RANBP17: variants seen among roughly 807,000 people sequenced by gnomAD.
RANBP17 encodes RAN binding protein 17.
A neutral mutation model predicts 141.2 loss-of-function variants in RANBP17; 158 were observed. That is an observed-to-expected ratio of 1.12 (90% confidence interval 0.98 to 1.28). RANBP17 has a LOEUF of 1.28. RANBP17 is among the 50% of genes most tolerant of loss of function. RANBP17 has a pLI of 0.00. For synonymous variants in RANBP17, 430 were observed against 450.0 expected (o/e 0.96, Z 0.56); for missense variants, 1,438 against 1,290.7 (o/e 1.11, Z -1.75).
At chr5:170,873,364 A>T (rs1187068250) in intron 1 of RANBP17, among the ~76,000 whole-genome samples, 1 of 152,202 alleles carries the variant, frequency 6.6e-6, no homozygotes, top group African/African-American at 2.4e-5. Context: ...GGCCTCATAA[A>T]ATGAGTTAGG....
chr5:171,250,715 T>C (rs1321855863), intron 24 of RANBP17, among the ~76,000 whole-genome samples: 1 of 152,038 alleles, frequency 6.6e-6, no homozygotes, highest in Non-Finnish European at 1.5e-5. Context: ...AAAACCGACT[T>C]TATATCAAGA....
intron 14 of RANBP17, among the ~76,000 whole-genome samples, chr5:171,127,122 G>A (rs181776274): frequency 9.2e-5 from 14 of 152,140 alleles, no homozygotes; most frequent in Admixed American, 5.9e-4. Context: ...GAAGATAATA[G>A]ACCATAATCA....
chr5:171,122,054 G>T (rs1756076624), intron 14 of RANBP17, among the ~76,000 whole-genome samples: 1 of 152,250 alleles, frequency 6.6e-6, no homozygotes, highest in South Asian at 2.1e-4. Flanking sequence ...GGCATTGGGG[G>T]CTGGTGGGGT....
chr5:171,057,220 G>A (rs940005919), intron 14 of RANBP17, among the ~76,000 whole-genome samples: 1 of 152,078 alleles, frequency 6.6e-6, no homozygotes, highest in Non-Finnish European at 1.5e-5. Context: ...TAGCCAATAT[G>A]TTCACACACA....
At chr5:170,921,217 G>A (rs1772434812) in intron 11 of RANBP17, among the ~76,000 whole-genome samples, 1 of 152,132 alleles carries the variant, frequency 6.6e-6, no homozygotes, top group South Asian at 2.1e-4. Context: ...GGTTTTTATG[G>A]TGTTAGGTCT....
chr5:171,027,178 A>G (rs1781287597), intron 14 of RANBP17, among the ~76,000 whole-genome samples: 1 of 152,202 alleles, frequency 6.6e-6, no homozygotes, highest in African/African-American at 2.4e-5. Flanking sequence ...GGATTGTTTA[A>G]CAGATTGTTT....
intron 25 of RANBP17, among the ~76,000 whole-genome samples, chr5:171,279,350 TC>T: frequency 1.3e-5 from 2 of 152,336 alleles, no homozygotes; most frequent in South Asian, 4.1e-4. Flanking sequence ...TGTATTTGCC[TC>T]ACAGTCTTGG....
chr5:171,234,267 CT>C (rs1392265066), intron 22 of RANBP17, among the ~76,000 whole-genome samples: 1 of 152,016 alleles, frequency 6.6e-6, no homozygotes, highest in Non-Finnish European at 1.5e-5. Flanking sequence ...GTGTATCTAG[CT>C]TGTCTGAAGG....
At chr5:171,062,303 G>T (rs1305053476) in intron 14 of RANBP17, among the ~76,000 whole-genome samples, 1 of 152,200 alleles carries the variant, frequency 6.6e-6, no homozygotes, top group Non-Finnish European at 1.5e-5. Context: ...GGTACCGGTT[G>T]TTCCTTTCCA....
intron 14 of RANBP17, among the ~76,000 whole-genome samples, chr5:171,003,583 C>G (rs973242331): frequency 6.6e-6 from 1 of 152,058 alleles, no homozygotes; most frequent in Non-Finnish European, 1.5e-5. Context: ...TACCCCATAT[C>G]CCTTGGAGAA....
At chr5:171,252,558 A>G in intron 24 of RANBP17, 1 of 1,381,406 alleles carries the variant, frequency 7.2e-7, no homozygotes. Flanking sequence ...GGAAAGTTTA[A>G]AAACTGCCCA....
intron 14 of RANBP17, among the ~76,000 whole-genome samples, chr5:170,992,892 T>G (rs1362989473): frequency 6.6e-6 from 1 of 152,112 alleles, no homozygotes; most frequent in Admixed American, 6.6e-5. Context: ...CGAGCCCTGC[T>G]CCACATCTTC....
At chr5:171,122,950 G>T (rs527601440) in intron 14 of RANBP17, among the ~76,000 whole-genome samples, 1 of 152,274 alleles carries the variant, frequency 6.6e-6, no homozygotes, top group African/African-American at 2.4e-5. Context: ...GGACCCAGTG[G>T]TGCAGCCAGG....
chr5:171,191,579 C>G (rs949658606), intron 18 of RANBP17, among the ~76,000 whole-genome samples: 1 of 151,658 alleles, frequency 6.6e-6, no homozygotes, highest in Non-Finnish European at 1.5e-5. Flanking sequence ...CCCAGCTACT[C>G]GGGAGGCTGA....
In RANBP17 at chr5:171,277,795, G is replaced by T. The variant is rs370747175; in HGVS notation, c.2943+11948G>T. 1.3e-3 allele frequency among the ~76,000 whole-genome samples: 197 copies of T among 149,720 alleles called. 9 individuals are homozygous for T. The South Asian group carries it at 0.04, about 31-fold the overall frequency. On this transcript the variant is annotated intron_variant, in intron 25 of 27. Transcript: ENST00000523189. Reference sequence around the variant, plus strand: ...ACAGCTAATAAGTAGCAGAACCTGTGCTCTTAACCACTGTACAGTACTATT... The same window carrying T: ...ACAGCTAATAAGTAGCAGAACCTGTTCTCTTAACCACTGTACAGTACTATT...
chr5:171,004,982 C>T (rs938627426), intron 14 of RANBP17, among the ~76,000 whole-genome samples: 22 of 152,114 alleles, frequency 1.4e-4, no homozygotes, highest in African/African-American at 4.8e-4. Context: ...CTCAGAAATA[C>T]GTTGCTGTCT....
intron 14 of RANBP17, among the ~76,000 whole-genome samples, chr5:171,064,287 TC>T (rs1784142198): frequency 6.6e-6 from 1 of 152,238 alleles, no homozygotes; most frequent in Non-Finnish European, 1.5e-5. Context: ...TGGGAGCTGT[TC>T]CTATTCGGCC....
At chr5:170,967,415 T>C (rs140873460) in intron 13 of RANBP17, among the ~76,000 whole-genome samples, 241 of 152,160 alleles carry the variant, frequency 1.6e-3, no homozygotes, top group Admixed American at 2.9e-3. Flanking sequence ...CCTCTACTTC[T>C]GTCTCAAAAA....
intron 14 of RANBP17, among the ~76,000 whole-genome samples, chr5:171,093,038 C>T (rs1227175399): frequency 2.0e-5 from 3 of 152,148 alleles, no homozygotes; most frequent in Non-Finnish European, 4.4e-5. Context: ...CTACCAGCAT[C>T]TAAGTCCTCA....
Sources: allele counts gnomAD v4.1 joint callset (sites outside exome capture counted in the v4.1 genomes callset), GRCh38; gene constraint gnomAD v4.1.1; transcripts MANE v1.5; gene names NCBI Gene and HGNC (gene_info 2026-07-23, HGNC 2026-07-21).